R3HDM4: variants seen among roughly 807,000 people sequenced by gnomAD.
The protein encoded by R3HDM4 is R3H domain containing 4, also known as R3H domain-containing protein 4.
In R3HDM4, 30 loss-of-function variants were observed where a neutral mutation model predicts 31.3. That is an observed-to-expected ratio of 0.96 (90% CI 0.72 to 1.30). R3HDM4 has a LOEUF of 1.30. R3HDM4 is among the 50% of genes most tolerant of loss of function. The pLI, the probability that R3HDM4 is intolerant of heterozygous loss-of-function variation, is 0.00. For missense variants in R3HDM4, 444 were observed against 366.1 expected (o/e 1.21, Z -1.74); for synonymous variants, 196 against 156.6 (o/e 1.25, Z -1.88).
rs763060378 is a variant in R3HDM4 at position 902,020 on chromosome 19, AC to A, written c.181del (p.Val61CysfsTer20). ...INQAVRNSDLVPKAKGRKSLQ... is the reference protein window; with the variant it reads ...INQAVRNSDLXPKAKGRKSLQ... ...GCTCTTCCGCCCCTTGGCCTTGGGC[AC>A]GAGGTCTGAGTTCCGCACTGCCTGG... On this transcript the variant is annotated frameshift_variant, in exon 2 of 8. Transcript: ENST00000361574. LOFTEE classifies it high-confidence loss of function. The A allele has an allele frequency of 6.2e-7, 1 of 1,613,878 alleles. No individual in the cohort carries two copies. The highest frequency in any genetic ancestry group is 1.7e-5 in the Admixed American group (1 of 60,022).
At chr19:901,716 GA>G in intron 2 of R3HDM4, 170 bp from the exon 3 acceptor site, 1 of 983,200 alleles carries the variant, frequency 1.0e-6, no homozygotes, top group Admixed American at 2.9e-5. Flanking sequence ...CCAGGTTCTG[GA>G]TTGTCGAACT....
chr19:910,285 A>G (rs564511347), intron 1 of R3HDM4, among the ~76,000 whole-genome samples: 1 of 151,968 alleles, frequency 6.6e-6, no homozygotes, highest in East Asian at 1.9e-4. Flanking sequence ...AGATCGCACT[A>G]CTGTACTCCA....
chr19:901,515 G>C lies in R3HDM4; in HGVS notation c.258C>G (p.Asp86Glu). ...TQYLLTLLET[D>E]GGLPGLEDGD... ...CATCCTCCAGGCCAGGCAGGCCCCC[G>C]TCTGTCTCCAGCAGGGTCAGGAGGT... is the stretch of plus-strand genomic sequence containing the variant. The change falls in exon 3 of 8, where the codon GAC (aspartate) becomes GAG (glutamate). Residue 86 changes from aspartate to glutamate, a missense_variant. Asp to Glu is a conservative substitution (Grantham distance 45). Coordinates refer to ENST00000361574, the MANE Select transcript of R3HDM4 (RefSeq NM_138774.4). The C allele has an allele frequency of 6.2e-7, 1 of 1,608,106 alleles. No homozygotes were observed. The highest frequency in any genetic ancestry group is 8.5e-7 in the Non-Finnish European group (1 of 1,179,764).
At chr19:908,250 G>A (rs1318274618) in intron 1 of R3HDM4, among the ~76,000 whole-genome samples, 4 of 151,886 alleles carry the variant, frequency 2.6e-5, no homozygotes, top group East Asian at 3.9e-4. Context: ...GGGTAGACAG[G>A]GGGGCCTGGG....
In R3HDM4 at chr19:896,769, G is replaced by A. The variant is rs1422913383; in HGVS notation, c.*668C>T. ...CATAAAGGAGGGGAGGAAAGGAAGG[G>A]GGCTCATATAAAGCAGGAGACCCTG... is the stretch of plus-strand genomic sequence containing the variant. On this transcript the variant is annotated 3_prime_UTR_variant, in exon 8 of 8. Transcript: ENST00000361574. The surrounding 1 kb of genome is among the most constrained non-coding windows in gnomAD (Gnocchi z 4.0). The A allele has an allele frequency of 2.6e-5, 4 of 152,626 alleles. No homozygotes were observed. The highest frequency in any genetic ancestry group is 5.9e-5 in the Non-Finnish European group (4 of 68,076). 9.5% of individuals were successfully genotyped at this position (152,626 alleles called of 1,614,324 possible). A position where few individuals can be genotyped will look rare whatever the true frequency, so the allele number is the denominator to read the frequency against.
chr19:912,004 G>A lies in R3HDM4; in HGVS notation c.71+1083C>T, dbSNP rs529234753. Among the ~76,000 whole-genome samples, 101 of 149,342 alleles carry A rather than the reference G, an allele frequency of 6.8e-4. 1 individual carries two copies. Among genetic ancestry groups the A allele is most frequent in the Non-Finnish European group, 1.1e-3 (76 of 67,070 alleles). ...GGTGAACCCCGACCCGCGGACAGGG[G>A]CCCAGGACCCTCTGGCGGGAGGCTC... On this transcript the variant is annotated intron_variant, in intron 1 of 7. Transcript: ENST00000361574.
intron 1 of R3HDM4, among the ~76,000 whole-genome samples, chr19:911,918 C>G (rs898787445): frequency 2.1e-4 from 32 of 149,662 alleles, no homozygotes; most frequent in Non-Finnish European, 2.2e-4. Context: ...CGCGGACAAG[C>G]CCAGAGGGCG....
intron 1 of R3HDM4, among the ~76,000 whole-genome samples, chr19:906,873 T>G (rs2036911837): frequency 6.6e-6 from 1 of 152,108 alleles, no homozygotes; most frequent in Non-Finnish European, 1.5e-5. Context: ...TGCAGTGCAG[T>G]TGTGCCATCT....
At chr19:908,828 C>G (rs559956987) in intron 1 of R3HDM4, among the ~76,000 whole-genome samples, 21 of 152,088 alleles carry the variant, frequency 1.4e-4, no homozygotes, top group African/African-American at 3.6e-4. Flanking sequence ...CCAGCCGGCC[C>G]GTTTACTTCT....
intron 5 of R3HDM4, 41 bp downstream of exon 5, chr19:900,020 C>T (rs752271599): frequency 6.3e-7 from 1 of 1,587,652 alleles, no homozygotes; most frequent in Admixed American, 1.7e-5. Flanking sequence ...CAAAAAAGAC[C>T]AGGCAGGTAG....
chr19:897,802 C>A (rs1241597018), intron 7 of R3HDM4, among the ~76,000 whole-genome samples: 1 of 152,232 alleles, frequency 6.6e-6, no homozygotes, highest in Non-Finnish European at 1.5e-5. Flanking sequence ...CGGATGGGGA[C>A]CCTGAAACGC....
At chr19:903,120 A>T (rs7508374) in intron 1 of R3HDM4, among the ~76,000 whole-genome samples, 1 of 151,780 alleles carries the variant, frequency 6.6e-6, no homozygotes, top group South Asian at 2.1e-4. Flanking sequence ...GGACGTGAAC[A>T]GCTTCCTTCA....
chr19:912,495 G>A (rs2036989165), intron 1 of R3HDM4, among the ~76,000 whole-genome samples: 1 of 97,266 alleles, frequency 1.0e-5, no homozygotes, highest in Non-Finnish European at 2.1e-5. Context: ...CCCAGGAATG[G>A]GGGCAAGAAC....
At position 899,175 on chromosome 19, in the gene R3HDM4, C is replaced by T. The variant is rs369086319; in HGVS notation, c.703+265G>A. Reference sequence around the variant, plus strand: ...AGGCTTCATCACCCCCACCCCGGGCCCCGAAGATGCAGATGGAGGAGTGTC... The same window carrying T: ...AGGCTTCATCACCCCCACCCCGGGCTCCGAAGATGCAGATGGAGGAGTGTC... On this transcript the variant is annotated intron_variant, in intron 7 of 7. Transcript: ENST00000361574. The surrounding 1 kb of genome is among the most constrained non-coding windows in gnomAD (Gnocchi z 6.8). Among the ~76,000 whole-genome samples, 58 of 152,104 alleles carry T rather than the reference C, an allele frequency of 3.8e-4. No individual in the cohort carries two copies. The highest frequency in any genetic ancestry group is 1.4e-3 in the African/African-American group (57 of 41,404).
chr19:898,687 C>A (rs183954255), intron 7 of R3HDM4, among the ~76,000 whole-genome samples: 3 of 152,110 alleles, frequency 2.0e-5, no homozygotes, highest in Non-Finnish European at 4.4e-5. Flanking sequence ...GCCTGGGACC[C>A]CCCCGTCCTC....
intron 3 of R3HDM4, 189 bp downstream of exon 3, chr19:901,233 C>T: frequency 1.4e-6 from 1 of 699,820 alleles, no homozygotes; most frequent in South Asian, 2.0e-5. Context: ...TCCAGGAGCT[C>T]GAAGGTTCCA....
rs1288938758 is a variant in R3HDM4, at chr19:899,152, G to C, written c.703+288C>G. ...GCTCTGGGAGGTCCCTCAAATCCAG[G>C]CTTCATCACCCCCACCCCGGGCCCC... is the stretch of plus-strand genomic sequence containing the variant. On this transcript the variant is annotated intron_variant, in intron 7 of 7. Transcript: ENST00000361574. This position sits in a 1 kb window ranked among gnomAD's most constrained non-coding sequence, Gnocchi z 6.8. Among the ~76,000 whole-genome samples, 1 of 152,002 alleles carries C rather than the reference G, an allele frequency of 6.6e-6. No homozygotes were observed. Among genetic ancestry groups the C allele is most frequent in the Non-Finnish European group, 1.5e-5 (1 of 67,952 alleles).
intron 1 of R3HDM4, among the ~76,000 whole-genome samples, chr19:912,801 G>A (rs1361927817): frequency 2.0e-5 from 3 of 151,358 alleles, no homozygotes; most frequent in African/African-American, 7.3e-5. Flanking sequence ...ACAGGTAAAT[G>A]GGGACGTGGA....
At position 897,351 on chromosome 19, in the gene R3HDM4, TA is replaced by T; in HGVS notation, c.*85del. On this transcript the variant is annotated 3_prime_UTR_variant, in exon 8 of 8. Transcript: ENST00000361574. ...GAAAAAGGTTTCCGAGGACAAATTC[TA>T]AAAATATGAAAGATATTTTAGCCGA... is the stretch of plus-strand genomic sequence containing the variant. 9.4e-7 allele frequency: 1 copy of T among 1,059,462 alleles called. No individual in the cohort carries two copies. Among genetic ancestry groups the T allele is most frequent in the Non-Finnish European group, 1.3e-6 (1 of 742,402 alleles). The allele number at this position is 1,059,462 out of a possible 1,614,324, so 65.6% of individuals were successfully genotyped here.
Sources: allele counts gnomAD v4.1 joint callset (sites outside exome capture counted in the v4.1 genomes callset), GRCh38; gene constraint gnomAD v4.1.1; non-coding constraint Gnocchi (gnomAD v3.1); transcripts MANE v1.5; gene names NCBI Gene and HGNC (gene_info 2026-07-23, HGNC 2026-07-21).